Variants in STYK1 observed in about 807,000 individuals in gnomAD.
The protein encoded by STYK1 is STY kinase 1.
In STYK1, 46 loss-of-function variants were observed where a neutral mutation model predicts 48.1. The observed-to-expected ratio is 0.96, with a 90% CI of 0.75 to 1.22. The LOEUF is 1.22. Among genes scored for constraint, STYK1 ranks in the 50% most tolerant of loss-of-function variants. The pLI is 0.00. For missense variants in STYK1, 527 were observed against 521.1 expected (o/e 1.01, Z -0.11); for synonymous variants, 188 against 189.0 (o/e 0.99, Z 0.04).
intron 5 of STYK1, among the ~76,000 whole-genome samples, chr12:10,630,385 C>CAAAAA (rs35704937): frequency 3.5e-4 from 17 of 48,574 alleles, no homozygotes; most frequent in East Asian, 1.2e-3. Context: ...CACTCTGTCT[C>CAAAAA]AAAAAAAAAA....
In STYK1 at chr12:10,621,879, G is replaced by C. The variant is rs1429770037; in HGVS notation, c.1061C>G (p.Thr354Ser). Residue 354 changes from threonine (T) to serine (S), a missense_variant, in exon 10 of 11, where the codon ACC becomes AGC. Thr to Ser is a moderately conservative substitution (Grantham distance 58). Transcript: ENST00000075503. ...IMKRPSSCTH[T>S]MYSIMKSCWR... The stretch of plus-strand genomic sequence containing the variant: ...CAGGCCTTTAAAAACCACTTACATG[G>C]TATGTGTGCAGCTACTGGGTCTCTT... 3 of 1,613,580 alleles carry C rather than the reference G, an allele frequency of 1.9e-6. No individual in the cohort carries two copies.
chr12:10,654,608 C>T (rs1443484621), intron 1 of STYK1, among the ~76,000 whole-genome samples: 1 of 152,186 alleles, frequency 6.6e-6, no homozygotes, highest in Non-Finnish European at 1.5e-5. Flanking sequence ...AGAGGTCCAA[C>T]TTAGGAGAGT....
chr12:10,627,682 T>C lies in STYK1; in HGVS notation c.676A>G (p.Lys226Glu). 6.2e-7 allele frequency: 1 copy of C among 1,613,906 alleles called. No homozygotes were observed. ...TGCTTTCCGATGTGATATACTTGTTTTTCTGTGAGATCATAGAGAAGACCA... is the reference window on the plus strand; with the variant it reads ...TGCTTTCCGATGTGATATACTTGTTCTTCTGTGAGATCATAGAGAAGACCA... ...MDGLLYDLTE[K>E]QVYHIGKQVL... The change falls in exon 7 of 11, where the codon AAA becomes GAA. Residue 226 changes from lysine to glutamate, a missense_variant. Coordinates refer to ENST00000075503, the MANE Select transcript of STYK1 (RefSeq NM_018423.3).
intron 10 of STYK1, 105 bp from the exon 11 acceptor site, chr12:10,620,453 T>G: frequency 2.9e-6 from 3 of 1,027,470 alleles, no homozygotes; most frequent in Non-Finnish European, 2.9e-6. Context: ...AATTCTTTAA[T>G]TGTCTTCTGT....
At chr12:10,659,393 G>A (rs1427768222) in intron 1 of STYK1, among the ~76,000 whole-genome samples, 1 of 152,132 alleles carries the variant, frequency 6.6e-6, no homozygotes. Flanking sequence ...TTTTGCAACA[G>A]GACACAACTG....
chr12:10,663,598 C>CAAAAAAAA lies in STYK1; in HGVS notation c.-195+10360_-195+10367dup, dbSNP rs34019110. ...TGGGCGACAGAACGAGACTCTGTCT[C>CAAAAAAAA]AAAAAAAAAAAAAAAAAAAAAAAAA... On this transcript the variant is annotated intron_variant, in intron 1 of 10. Coordinates refer to ENST00000075503, the MANE Select transcript of STYK1 (RefSeq NM_018423.3). Among the ~76,000 whole-genome samples, 17 of 51,486 alleles carry CAAAAAAAA rather than the reference C, an allele frequency of 3.3e-4. 1 individual carries two copies. The highest frequency in any genetic ancestry group is 1.0e-3 in the African/African-American group (15 of 14,654). The allele number at this position is 51,486 out of a possible 152,430, so 33.8% of individuals were successfully genotyped here.
chr12:10,641,832 A>G (rs1947548449), intron 1 of STYK1, among the ~76,000 whole-genome samples: 1 of 152,134 alleles, frequency 6.6e-6, no homozygotes, highest in Admixed American at 6.5e-5. Flanking sequence ...TCCCCTCCCT[A>G]GGGAGTGGGT....
At position 10,621,858 on chromosome 12, in the gene STYK1, C is replaced by T. The variant is rs1482284580; in HGVS notation, c.1064+18G>A. ...ACATTTGGAATGAAAGAGGAGCAGGCCTTTAAAAACCACTTACATGGTATG... is the reference window on the plus strand; with the variant it reads ...ACATTTGGAATGAAAGAGGAGCAGGTCTTTAAAAACCACTTACATGGTATG... On this transcript the variant is annotated intron_variant, in intron 10 of 10. Transcript: ENST00000075503. The T allele has an allele frequency of 6.2e-7, 1 of 1,609,022 alleles. No homozygotes were observed. The highest frequency in any genetic ancestry group is 1.7e-5 in the Admixed American group (1 of 59,924).
chr12:10,623,164 T>TTA, intron 8 of STYK1, among the ~76,000 whole-genome samples: 1 of 152,206 alleles, frequency 6.6e-6, no homozygotes, highest in Non-Finnish European at 1.5e-5. Context: ...AGGGCAAGCT[T>TTA]TATATATAGT....
intron 1 of STYK1, among the ~76,000 whole-genome samples, chr12:10,663,210 C>T (rs1341763316): frequency 6.6e-6 from 1 of 152,138 alleles, no homozygotes; most frequent in Non-Finnish European, 1.5e-5. Context: ...AAGCTCTGGA[C>T]TCAAGGGATC....
chr12:10,670,361 A>G (rs1947878974), intron 1 of STYK1, among the ~76,000 whole-genome samples: 1 of 152,228 alleles, frequency 6.6e-6, no homozygotes, highest in African/African-American at 2.4e-5. Context: ...TGAATAAAGT[A>G]TAAATACATA....
chr12:10,636,923 G>T (rs1469936340), intron 2 of STYK1, 148 bp downstream of exon 2: 1 of 152,138 alleles, frequency 6.6e-6, no homozygotes, highest in African/African-American at 2.4e-5. Flanking sequence ...CCATGTGTAC[G>T]TGTACCCCCA....
rs778654365 is a variant in STYK1, at chr12:10,629,543, C to T, written c.583G>A (p.Glu195Lys). The T allele has an allele frequency of 3.7e-6, 6 of 1,614,188 alleles. No homozygotes were observed. The highest frequency in any genetic ancestry group is 5.1e-6 in the Non-Finnish European group (6 of 1,180,040). The change falls in exon 6 of 11, where the codon GAG becomes AAG. Residue 195 changes from glutamate to lysine, a missense_variant. Physicochemically the swap from Glu to Lys is moderately conservative, Grantham distance 56 (BLOSUM62 1). Transcript: ENST00000075503. ...AGCAGGTCCCCCTGGGCCACATCCTCCAACACCATATAGAGTGGCAGCTTT... is the reference window on the plus strand; with the variant it reads ...AGCAGGTCCCCCTGGGCCACATCCTTCAACACCATATAGAGTGGCAGCTTT... ...TEKLPLYMVL[E>K]DVAQGDLLSF...
At chr12:10,630,953 C>G in intron 5 of STYK1, 92 bp downstream of exon 5, 2 of 1,507,250 alleles carry the variant, frequency 1.3e-6, no homozygotes, top group South Asian at 1.2e-5. Flanking sequence ...CAGTTATGAT[C>G]ACAACTATCT....
At chr12:10,621,399 G>A (rs562012770) in intron 10 of STYK1, among the ~76,000 whole-genome samples, 1 of 152,270 alleles carries the variant, frequency 6.6e-6, no homozygotes, top group African/African-American at 2.4e-5. Context: ...AAAACAGGGA[G>A]ACAGTCATTT....
intron 1 of STYK1, among the ~76,000 whole-genome samples, chr12:10,638,095 T>C (rs1432565310): frequency 1.3e-5 from 2 of 152,232 alleles, no homozygotes; most frequent in Non-Finnish European, 2.9e-5. Context: ...TTTAATGTTA[T>C]GAATAATGAA....
chr12:10,654,891 G>A (rs369738952), intron 1 of STYK1, among the ~76,000 whole-genome samples: 5 of 152,186 alleles, frequency 3.3e-5, no homozygotes, highest in Admixed American at 1.3e-4. Context: ...GACACGGGGA[G>A]CTTTTTTCTC....
rs758401545 is a variant in STYK1, at chr12:10,624,703, A to T, written c.874T>A (p.Trp292Arg). The T allele has an allele frequency of 6.2e-6, 10 of 1,614,038 alleles. No individual in the cohort carries two copies. Among genetic ancestry groups the T allele is most frequent in the Non-Finnish European group, 2.5e-6 (3 of 1,180,030 alleles). Residue 292 changes from tryptophan (W) to arginine (R), a missense_variant, in exon 8 of 11, where the codon TGG becomes AGG. Trp to Arg is a moderately radical substitution (Grantham distance 101). Transcript: ENST00000075503. ...AGGAGAAGCCGTTCTGGGGCAAGCCACTTGAGAGGTATGGTTTGAGTAGAG... is the reference window on the plus strand; with the variant it reads ...AGGAGAAGCCGTTCTGGGGCAAGCCTCTTGAGAGGTATGGTTTGAGTAGAG... ...ISSTQTIPLKWLAPERLLLRP... is the reference protein window; with the variant it reads ...ISSTQTIPLKRLAPERLLLRP...
At chr12:10,663,171 A>G (rs909004674) in intron 1 of STYK1, among the ~76,000 whole-genome samples, 9 of 152,062 alleles carry the variant, frequency 5.9e-5, no homozygotes, top group Admixed American at 2.6e-4. Context: ...CTGGAGTGCA[A>G]TGGTGTGATC....
Sources: allele counts gnomAD v4.1 joint callset (sites outside exome capture counted in the v4.1 genomes callset), GRCh38; gene constraint gnomAD v4.1.1; transcripts MANE v1.5; gene names NCBI Gene and HGNC (gene_info 2026-07-23, HGNC 2026-07-21).